RBFOX1: variants seen among roughly 807,000 people sequenced by gnomAD.
The protein encoded by RBFOX1 is RNA binding protein fox-1 homolog 1.
A neutral mutation model predicts 57.7 loss-of-function variants in RBFOX1; 8 were observed. The observed-to-expected ratio is 0.14, with a 90% CI of 0.08 to 0.25. The LOEUF is 0.25. RBFOX1 is among the 10% of genes least tolerant of loss of function. The pLI is 1.00. For synonymous variants in RBFOX1, 326 were observed against 222.4 expected (o/e 1.47, Z -4.15); for missense variants, 611 against 548.5 (o/e 1.11, Z -1.14).
chr16:5,820,407 G>C (rs1351479453), intron 3 of RBFOX1, among the ~76,000 whole-genome samples: 1 of 152,152 alleles, frequency 6.6e-6, no homozygotes, highest in Non-Finnish European at 1.5e-5. Flanking sequence ...GGGTGAGGAA[G>C]GACCATCCCG....
chr16:7,445,642 C>G (rs566001467), intron 4 of RBFOX1, among the ~76,000 whole-genome samples: 1 of 151,964 alleles, frequency 6.6e-6, no homozygotes, highest in South Asian at 2.1e-4. Flanking sequence ...TTCTTCTGGT[C>G]TCTTAGAAAT....
intron 1 of RBFOX1, among the ~76,000 whole-genome samples, chr16:6,047,899 G>C (rs1033624135): frequency 6.6e-6 from 1 of 152,170 alleles, no homozygotes; most frequent in African/African-American, 2.4e-5. Flanking sequence ...CGGTTTCACA[G>C]ACCGTAAAGC....
chr16:5,584,067 G>A (rs1410129540), intron 2 of RBFOX1, among the ~76,000 whole-genome samples: 1 of 152,130 alleles, frequency 6.6e-6, no homozygotes, highest in Non-Finnish European at 1.5e-5. Context: ...CTGCATCAGT[G>A]GCCTGTGATG....
intron 1 of RBFOX1, among the ~76,000 whole-genome samples, chr16:5,259,600 C>T (rs540070869): frequency 6.6e-6 from 1 of 152,130 alleles, no homozygotes; most frequent in African/African-American, 2.4e-5. Context: ...GAGTGAGGCT[C>T]TAGGGAGGCC....
chr16:5,920,900 G>A, intron 4 of RBFOX1, among the ~76,000 whole-genome samples: 1 of 113,002 alleles, frequency 8.8e-6, no homozygotes, highest in Admixed American at 9.6e-5. Flanking sequence ...CAATGGAGTT[G>A]TCTATTTGTA....
At chr16:7,054,868 G>T (rs985409734) in intron 4 of RBFOX1, among the ~76,000 whole-genome samples, 1 of 152,142 alleles carries the variant, frequency 6.6e-6, no homozygotes, top group South Asian at 2.1e-4. Flanking sequence ...GTGGATAGTT[G>T]TCAAATTTAT....
At chr16:5,399,406 C>T (rs897073990) in intron 1 of RBFOX1, among the ~76,000 whole-genome samples, 3 of 151,988 alleles carry the variant, frequency 2.0e-5, no homozygotes, top group South Asian at 2.1e-4. Flanking sequence ...TAATTTTTCT[C>T]GTAGAAAATT....
rs746798605 is a variant in RBFOX1 at position 6,891,465 on chromosome 16, T to TAGAG, written c.-15-160575_-15-160572dup. ...GATGAAGACACATACACACACACAC[T>TAGAG]AGAGAGAGAGAGAGAGAGAGGAGAG... On this transcript the variant is annotated intron_variant, in intron 3 of 15. Coordinates refer to ENST00000550418, the MANE Select transcript of RBFOX1 (RefSeq NM_018723.4). Among the ~76,000 whole-genome samples the TAGAG allele has an allele frequency of 1.5e-3, 222 of 148,544 alleles. 2 individuals are homozygous for TAGAG. Among genetic ancestry groups the TAGAG allele is most frequent in the Admixed American group, 6.5e-3 (97 of 14,814 alleles).
At chr16:7,088,216 G>T (rs754881077) in intron 4 of RBFOX1, among the ~76,000 whole-genome samples, 1 of 152,174 alleles carries the variant, frequency 6.6e-6, no homozygotes, top group Non-Finnish European at 1.5e-5. Flanking sequence ...AAGGTCTAGG[G>T]AAGTCGGGTT....
At chr16:7,564,377 A>G (rs1488369185) in intron 5 of RBFOX1, among the ~76,000 whole-genome samples, 1 of 151,740 alleles carries the variant, frequency 6.6e-6, no homozygotes, top group Non-Finnish European at 1.5e-5. Context: ...CTCTCTACTA[A>G]AAATACAAAA....
intron 1 of RBFOX1, among the ~76,000 whole-genome samples, chr16:6,231,257 T>TGG (rs1207847865): frequency 2.6e-5 from 4 of 151,796 alleles, no homozygotes; most frequent in African/African-American, 9.7e-5. Context: ...TGTGTGTGTG[T>TGG]GTTCCTTATA....
chr16:7,517,242 G>T (rs1202534126), intron 4 of RBFOX1, among the ~76,000 whole-genome samples: 1 of 150,438 alleles, frequency 6.6e-6, no homozygotes, highest in Non-Finnish European at 1.5e-5. Flanking sequence ...TCCTGAAATG[G>T]AAGCATTTGT....
chr16:7,101,833 G>A (rs1053929252), intron 4 of RBFOX1, among the ~76,000 whole-genome samples: 1 of 152,074 alleles, frequency 6.6e-6, no homozygotes, highest in African/African-American at 2.4e-5. Context: ...GGATTTCCAA[G>A]GCTCTTGTCT....
At chr16:7,057,839 C>G (rs1431387998) in intron 4 of RBFOX1, among the ~76,000 whole-genome samples, 3 of 152,054 alleles carry the variant, frequency 2.0e-5, no homozygotes, top group Non-Finnish European at 2.9e-5. Context: ...GAAACCCCGT[C>G]TCTGCTAAAA....
At chr16:5,859,565 G>C (rs753152740) in intron 3 of RBFOX1, among the ~76,000 whole-genome samples, 3 of 152,152 alleles carry the variant, frequency 2.0e-5, no homozygotes, top group Non-Finnish European at 2.9e-5. Flanking sequence ...AAAATCACTT[G>C]CCAGCAAAGG....
chr16:6,819,658 T>C (rs2090879684), intron 3 of RBFOX1, among the ~76,000 whole-genome samples: 1 of 116,744 alleles, frequency 8.6e-6, no homozygotes, highest in African/African-American at 3.4e-5. Flanking sequence ...TGAGCCAGGA[T>C]CAAGGCATTG....
chr16:5,750,805 G>C (rs1255098358), intron 3 of RBFOX1, among the ~76,000 whole-genome samples: 1 of 152,210 alleles, frequency 6.6e-6, no homozygotes, highest in Non-Finnish European at 1.5e-5. Context: ...CTGACACCTT[G>C]CACTTCCCAG....
chr16:5,836,089 A>G (rs117189190), intron 3 of RBFOX1, among the ~76,000 whole-genome samples: 59 of 152,278 alleles, frequency 3.9e-4, no homozygotes, highest in Non-Finnish European at 7.6e-4. Flanking sequence ...CTTGCAGCAG[A>G]TGTTTAATTA....
At chr16:5,995,480 AAAAT>A (rs1316382852) in intron 4 of RBFOX1, among the ~76,000 whole-genome samples, 1 of 152,208 alleles carries the variant, frequency 6.6e-6, no homozygotes, top group African/African-American at 2.4e-5. Context: ...AGGGAGAAAA[AAAAT>A]AAATCTTTTT....
Sources: gnomAD v4.1 joint callset for allele counts (sites outside exome capture counted in the v4.1 genomes callset) on GRCh38, gnomAD v4.1.1 for gene constraint, MANE v1.5 for transcripts, NCBI Gene and HGNC (gene_info 2026-07-23, HGNC 2026-07-21) for gene names.